The following CDH22 variants were observed in gnomAD, a reference collection of about 807,000 sequenced individuals.
CDH22 encodes the protein cadherin-22.
A neutral mutation model predicts 58.4 loss-of-function variants in CDH22; 30 were observed. The ratio of observed to expected loss-of-function variants is 0.51; its 90% CI spans 0.38 to 0.70. The LOEUF (loss-of-function observed/expected upper bound fraction) is 0.70. Among genes scored for constraint, CDH22 ranks in the 30% least tolerant of loss-of-function variants. The pLI, the probability that CDH22 is intolerant of heterozygous loss-of-function variation, is 0.00. For synonymous variants in CDH22, 513 were observed against 558.2 expected, an observed-to-expected ratio of 0.92 and a Z score of 1.14; for missense variants, 1,014 against 1,233.9, an observed-to-expected ratio of 0.82 and a Z score of 2.67.
intron 8 of CDH22, among the ~76,000 whole-genome samples, chr20:46,190,029 C>T (rs921854087): frequency 6.6e-6 from 1 of 151,788 alleles, no homozygotes; most frequent in African/African-American, 2.4e-5. Flanking sequence ...GACTGGGAGG[C>T]GGGGGGAATC....
chr20:46,190,883 G>A (rs544304467), intron 8 of CDH22, among the ~76,000 whole-genome samples: 9 of 152,288 alleles, frequency 5.9e-5, no homozygotes, highest in African/African-American at 9.6e-5. Context: ...GACCAAACTC[G>A]GGGCAGGAGA....
chr20:46,285,642 A>C (rs1261447269), intron 1 of CDH22, among the ~76,000 whole-genome samples: 1 of 152,242 alleles, frequency 6.6e-6, no homozygotes, highest in Non-Finnish European at 1.5e-5. Flanking sequence ...TAAGCAACTT[A>C]CCTCAGAGTT....
At chr20:46,233,816 C>T (rs934535055) in intron 3 of CDH22, among the ~76,000 whole-genome samples, 6 of 152,222 alleles carry the variant, frequency 3.9e-5, no homozygotes, top group Non-Finnish European at 7.3e-5. Flanking sequence ...CCCCCCAGCA[C>T]GGGTGGTGAG....
chr20:46,226,247 CTTCTTCT>C (rs2086171080), intron 4 of CDH22, among the ~76,000 whole-genome samples: 1 of 9,152 alleles, frequency 1.1e-4, no homozygotes, highest in Non-Finnish European at 2.1e-4. Flanking sequence ...TCTTCTTCTT[CTTCTTCT>C]TCTTCTTCTT....
In CDH22 at chr20:46,174,254, G is replaced by C; in HGVS notation, c.*252C>G. On this transcript the variant is annotated 3_prime_UTR_variant, in exon 12 of 12. Coordinates refer to ENST00000537909, the MANE Select transcript of CDH22 (RefSeq NM_021248.3). The surrounding 1 kb of genome is among the most constrained non-coding windows in gnomAD (Gnocchi z 4.4). Reference sequence around the variant, plus strand: ...CCCCATCTCCCATTCTAACCCCAGAGCCACACCGTGCCCGGTCTCGCCTCA... The same window carrying C: ...CCCCATCTCCCATTCTAACCCCAGACCCACACCGTGCCCGGTCTCGCCTCA... The C allele has an allele frequency of 2.1e-6, 1 of 482,940 alleles. No individual in the cohort carries two copies. Among genetic ancestry groups the C allele is most frequent in the Non-Finnish European group, 3.6e-6 (1 of 277,642 alleles). 29.9% of individuals were successfully genotyped at this position (482,940 alleles called of 1,614,324 possible).
chr20:46,183,018 C>T (rs540596610), intron 10 of CDH22, among the ~76,000 whole-genome samples: 1 of 151,608 alleles, frequency 6.6e-6, no homozygotes, highest in Non-Finnish European at 1.5e-5. Flanking sequence ...GTGCCCCCCC[C>T]TCTCCCCCAG....
At chr20:46,181,716 T>TTCCTTCCTTCCTTCCTTCC (rs1555800194) in intron 10 of CDH22, among the ~76,000 whole-genome samples, 8 of 44,332 alleles carry the variant, frequency 1.8e-4, no homozygotes, top group Admixed American at 2.5e-4. Context: ...TCTTTCTTTT[T>TTCCTTCCTTCCTTCCTTCC]TTCCTTCCTT....
In CDH22 at chr20:46,174,627, T is replaced by G. The variant is rs1335335336; in HGVS notation, c.2366A>C (p.His789Pro). ...DSPAASLSSL[H>P]SGSSGSEQDF... ...CTGCTCGGAGCCCGACGAGCCGCTGTGCAGGGAGCTGAGCGAGGCGGCCGG... is the reference window on the plus strand; with the variant it reads ...CTGCTCGGAGCCCGACGAGCCGCTGGGCAGGGAGCTGAGCGAGGCGGCCGG... The change falls in exon 12 of 12, where the codon CAC (histidine) becomes CCC (proline). Residue 789 changes from histidine to proline, a missense_variant. Physicochemically the swap from His to Pro is moderately conservative, Grantham distance 77 (BLOSUM62 -2). Transcript: ENST00000537909. This position sits in a 1 kb window ranked among gnomAD's most constrained non-coding sequence, Gnocchi z 4.4. 1.3e-6 allele frequency: 2 copies of G among 1,548,988 alleles called. No individual in the cohort carries two copies. The highest frequency in any genetic ancestry group is 2.7e-5 in the African/African-American group (2 of 73,994).
At chr20:46,290,382 C>T (rs1263636620) in intron 1 of CDH22, among the ~76,000 whole-genome samples, 2 of 152,122 alleles carry the variant, frequency 1.3e-5, no homozygotes, top group Non-Finnish European at 2.9e-5. Flanking sequence ...TGGGTAGAGG[C>T]CAGGAATGCT....
chr20:46,179,984 C>T (rs1238975249), intron 10 of CDH22, among the ~76,000 whole-genome samples: 1 of 152,218 alleles, frequency 6.6e-6, no homozygotes, highest in Non-Finnish European at 1.5e-5. Context: ...AATGTCACCT[C>T]CTTTCTTGTG....
At chr20:46,222,275 C>T (rs2086132254) in intron 4 of CDH22, among the ~76,000 whole-genome samples, 1 of 152,204 alleles carries the variant, frequency 6.6e-6, no homozygotes, top group Admixed American at 6.5e-5. Context: ...GTCTATAGGG[C>T]CTGGCACACA....
chr20:46,212,272 A>G (rs2086048743), intron 6 of CDH22, among the ~76,000 whole-genome samples: 3 of 145,600 alleles, frequency 2.1e-5, no homozygotes, highest in Admixed American at 2.0e-4. Flanking sequence ...GTCGCTGGAG[A>G]TATACAAACA....
intron 1 of CDH22, among the ~76,000 whole-genome samples, chr20:46,252,687 C>G (rs925136962): frequency 1.3e-5 from 2 of 152,244 alleles, no homozygotes; most frequent in South Asian, 4.1e-4. Flanking sequence ...CTCAGTTCCA[C>G]CAAGCTTCAA....
intron 7 of CDH22, among the ~76,000 whole-genome samples, chr20:46,199,895 TTTC>T (rs1452416007): frequency 6.6e-6 from 1 of 151,818 alleles, no homozygotes; most frequent in Non-Finnish European, 1.5e-5. Flanking sequence ...TCTTCTTTCT[TTTC>T]TTTTCTTTTC....
intron 1 of CDH22, among the ~76,000 whole-genome samples, chr20:46,252,253 C>T (rs2086381795): frequency 6.6e-6 from 1 of 152,190 alleles, no homozygotes; most frequent in South Asian, 2.1e-4. Context: ...TACCCCCACA[C>T]CAGCTTCTAG....
intron 1 of CDH22, among the ~76,000 whole-genome samples, chr20:46,263,418 G>GTT (rs1314682766): frequency 6.6e-6 from 1 of 151,628 alleles, no homozygotes; most frequent in Non-Finnish European, 1.5e-5. Context: ...GTGTGTGTGT[G>GTT]TGTGTGTGTG....
chr20:46,174,780 G>GGCGGCCCCT lies in CDH22; in HGVS notation c.2204_2212dup (p.Gln735_Pro737dup), dbSNP rs1568646770. ...CACTGAGAAGTCTGGCTCGGGGCTC[G>GGCGGCCCCT]GCGGCCCCTGCGGCAGCGAGTGGCG... On this transcript the variant is annotated inframe_insertion, in exon 12 of 12. Coordinates refer to ENST00000537909, the MANE Select transcript of CDH22 (RefSeq NM_021248.3). The surrounding 1 kb of genome is among the most constrained non-coding windows in gnomAD (Gnocchi z 4.4). 2 of 1,514,498 alleles carry GGCGGCCCCT rather than the reference G, an allele frequency of 1.3e-6. No homozygotes were observed. The allele number at this position is 1,514,498 out of a possible 1,614,324, so 93.8% of individuals were successfully genotyped here.
In CDH22 at chr20:46,174,582, C is replaced by T. The variant is rs2085721293; in HGVS notation, c.2411G>A (p.Ser804Asn). 2 of 1,532,524 alleles carry T rather than the reference C, an allele frequency of 1.3e-6. No homozygotes were observed. The highest frequency in any genetic ancestry group is 8.7e-7 in the Non-Finnish European group (1 of 1,144,580). The allele number at this position is 1,532,524 out of a possible 1,614,324, so 94.9% of individuals were successfully genotyped here. ...GSEQDFAYLSSWGPRFRPLAA... is the reference protein window; with the variant it reads ...GSEQDFAYLSNWGPRFRPLAA... ...CAGGGGCCGGAAGCGCGGACCCCAG[C>T]TGCTGAGATAGGCGAAGTCCTGCTC... Residue 804 changes from serine to asparagine, a missense_variant, in exon 12 of 12, where the codon AGC becomes AAC. Physicochemically the swap from Ser to Asn is conservative, Grantham distance 46. Transcript: ENST00000537909. This position sits in a 1 kb window ranked among gnomAD's most constrained non-coding sequence, Gnocchi z 4.4.
intron 1 of CDH22, among the ~76,000 whole-genome samples, chr20:46,297,786 C>T (rs969709281): frequency 1.3e-5 from 2 of 151,784 alleles, no homozygotes; most frequent in African/African-American, 4.8e-5. Flanking sequence ...TGGGAAGGCC[C>T]TTCCTCCAAG....
Sources: gnomAD v4.1 joint callset for allele counts (sites outside exome capture counted in the v4.1 genomes callset) on GRCh38, gnomAD v4.1.1 for gene constraint, Gnocchi (gnomAD v3.1) non-coding constraint, MANE v1.5 for transcripts, NCBI Gene and HGNC (gene_info 2026-07-23, HGNC 2026-07-21) for gene names.